POLR3D: variants seen among roughly 807,000 people sequenced by gnomAD.
POLR3D encodes the protein DNA-directed RNA polymerase III subunit RPC4.
POLR3D carries 42 observed loss-of-function variants against 44.5 expected under a neutral mutation model. The ratio of observed to expected loss-of-function variants is 0.94; its 90% CI spans 0.74 to 1.22. The LOEUF (loss-of-function observed/expected upper bound fraction) is 1.22. Among genes scored for constraint, POLR3D ranks in the 50% most tolerant of loss-of-function variants. The pLI, the probability that POLR3D is intolerant of heterozygous loss-of-function variation, is 0.00. For synonymous variants in POLR3D, 217 were observed against 198.1 expected (o/e 1.10, Z -0.80); for missense variants, 507 against 505.2 (o/e 1.00, Z -0.03).
At position 22,249,494 on chromosome 8, in the gene POLR3D, G is replaced by T. The variant is rs115617674; in HGVS notation, c.921+185G>T. On this transcript the variant is annotated intron_variant, in intron 7 of 8. Transcript: ENST00000306433. ...CCCCAATTGTGTATGTGTTGTGGGG[G>T]TGTGTGTTCACTTCTTATAAGGAAA... 8.6e-3 allele frequency among the ~76,000 whole-genome samples: 1,305 copies of T among 152,306 alleles called. 17 individuals carry two copies. Among genetic ancestry groups the T allele is most frequent in the African/African-American group, 0.03 (1,244 of 41,562 alleles).
At chr8:22,250,292 G>A in intron 8 of POLR3D, 65 bp downstream of exon 8, 1 of 1,609,980 alleles carries the variant, frequency 6.2e-7, no homozygotes, top group South Asian at 1.1e-5. Flanking sequence ...AAGAGCCACT[G>A]CTAAATAAGG....
rs1563321886 is a variant in POLR3D, at chr8:22,251,332, T to C, written c.*814T>C. On this transcript the variant is annotated 3_prime_UTR_variant, in exon 9 of 9. Transcript: ENST00000306433. ...CAGATTGTTCTATGCCTTTTTCTCCTGGCTCCTGTTAGCCAGGTGCCTCCT... is the reference window on the plus strand; with the variant it reads ...CAGATTGTTCTATGCCTTTTTCTCCCGGCTCCTGTTAGCCAGGTGCCTCCT... 2.6e-5 allele frequency: 4 copies of C among 153,746 alleles called. No homozygotes were observed. Among genetic ancestry groups the C allele is most frequent in the Admixed American group, 1.3e-4 (2 of 15,278 alleles). The allele number at this position is 153,746 out of a possible 1,614,324, so 9.5% of individuals were successfully genotyped here.
At position 22,249,205 on chromosome 8, in the gene POLR3D, G is replaced by C; in HGVS notation, c.817G>C (p.Asp273His). ...GGAACTGCTGTTTCTGCAGCTGCCA[G>C]ACACCCTCCCTGGCCAGCCACCCAC... ...EEELLFLQLPDTLPGQPPTQD... is the reference protein window; with the variant it reads ...EEELLFLQLPHTLPGQPPTQD... Residue 273 changes from aspartate to histidine, a missense_variant, in exon 7 of 9, where the codon GAC becomes CAC. Transcript: ENST00000306433. 1 of 1,614,096 alleles carries C rather than the reference G, an allele frequency of 6.2e-7. No individual in the cohort carries two copies. Among genetic ancestry groups the C allele is most frequent in the Non-Finnish European group, 8.5e-7 (1 of 1,180,022 alleles).
At position 22,250,697 on chromosome 8, in the gene POLR3D, G is replaced by A; in HGVS notation, c.*179G>A. The A allele has an allele frequency of 1.4e-6, 1 of 693,740 alleles. No individual in the cohort carries two copies. The highest frequency in any genetic ancestry group is 2.5e-6 in the Non-Finnish European group (1 of 401,662). The allele number at this position is 693,740 out of a possible 1,614,324, so 43.0% of individuals were successfully genotyped here. ...CCACAGCAGCTGTGAATGGCACAGT[G>A]ACCTTCCTGCAGCGTGGAGATGGCA... On this transcript the variant is annotated 3_prime_UTR_variant, in exon 9 of 9. Coordinates refer to ENST00000306433, the MANE Select transcript of POLR3D (RefSeq NM_001722.3).
At position 22,248,440 on chromosome 8, in the gene POLR3D, C is replaced by A. The variant is rs372769752; in HGVS notation, c.487-41C>A. On this transcript the variant is annotated intron_variant, in intron 5 of 8. Coordinates refer to ENST00000306433, the MANE Select transcript of POLR3D (RefSeq NM_001722.3). ...ACTAAAGCAGACTTTGATCCAGGTGCATGTGCTAGCAGGCTGGATGACCCA... is the reference window on the plus strand; with the variant it reads ...ACTAAAGCAGACTTTGATCCAGGTGAATGTGCTAGCAGGCTGGATGACCCA... 13 of 1,602,678 alleles carry A rather than the reference C, an allele frequency of 8.1e-6. No homozygotes were observed. In the African/African-American group the frequency reaches 1.6e-4, roughly 20 times the overall value.
rs1462169180 is a variant in POLR3D, at chr8:22,247,263, G to A, written c.208G>A (p.Glu70Lys). ...TATCATCAGTCGGAAGATCAAGGAA[G>A]AGTAAGTAGCTAGGCCTTCTGAATA... ...PNIISRKIKEEPKEEVTVKKE... is the reference protein window; with the variant it reads ...PNIISRKIKEKPKEEVTVKKE... Residue 70 changes from glutamate to lysine, a missense_variant and splice_region_variant, in exon 3 of 9, where the codon GAG becomes AAG. Glu to Lys is a moderately conservative substitution (Grantham distance 56). Transcript: ENST00000306433. The A allele has an allele frequency of 1.2e-6, 2 of 1,612,728 alleles. No individual in the cohort carries two copies. The highest frequency in any genetic ancestry group is 2.2e-5 in the East Asian group (1 of 44,886).
rs1376939175 is a variant in POLR3D, at chr8:22,251,765, G to C, written c.*1247G>C. The C allele has an allele frequency of 6.6e-6, 1 of 152,310 alleles. No homozygotes were observed. The highest frequency in any genetic ancestry group is 1.5e-5 in the Non-Finnish European group (1 of 68,096). 9.4% of individuals were successfully genotyped at this position (152,310 alleles called of 1,614,324 possible). On this transcript the variant is annotated 3_prime_UTR_variant, in exon 9 of 9. Coordinates refer to ENST00000306433, the MANE Select transcript of POLR3D (RefSeq NM_001722.3). ...AACAGCTTCTCCTCTTGTCTTGACA[G>C]TAGGGCTGGGGTTTTCCCTGGTTCA... is the stretch of plus-strand genomic sequence containing the variant.
At chr8:22,247,098 A>G (rs1420236463) in intron 2 of POLR3D, 123 bp from the exon 3 acceptor site, 2 of 684,156 alleles carry the variant, frequency 2.9e-6, no homozygotes, top group Non-Finnish European at 5.3e-6. Context: ...AGCACTGTGG[A>G]ATGTGCCAAC....
chr8:22,248,160 G>A lies in POLR3D; in HGVS notation c.368G>A (p.Trp123Ter). ...CCTGGGTGATTTCCCACAGGGAACT[G>A]GGATAAGACAGTGGATGTGTCAGAC... ...PAEMMKKKGN[W>*]DKTVDVSDMG... is the part of the protein sequence containing the mutation. Residue 123 changes from tryptophan (W) to a stop codon, truncating the protein, a stop_gained, in exon 5 of 9, where the codon TGG (tryptophan) becomes TAG (stop). Coordinates refer to ENST00000306433, the MANE Select transcript of POLR3D (RefSeq NM_001722.3). LOFTEE classifies it high-confidence loss of function. The A allele has an allele frequency of 6.2e-7, 1 of 1,614,092 alleles. No homozygotes were observed. The highest frequency in any genetic ancestry group is 8.5e-7 in the Non-Finnish European group (1 of 1,179,994).
rs115213701 is a variant in POLR3D at position 22,245,288 on chromosome 8, C to T, written c.-6+105C>T. 1,994 of 544,898 alleles carry T rather than the reference C, an allele frequency of 3.7e-3. 34 individuals carry two copies. Among genetic ancestry groups the T allele is most frequent in the African/African-American group, 0.034 (1,749 of 50,976 alleles). 33.8% of individuals were successfully genotyped at this position (544,898 alleles called of 1,614,324 possible). On this transcript the variant is annotated intron_variant, in intron 1 of 8. Transcript: ENST00000306433. ...CGTGTCGCGAGCCAAAGGCTCTCACCTGGGTGGTCCCGGGAGTCTCGCCAC... is the reference window on the plus strand; with the variant it reads ...CGTGTCGCGAGCCAAAGGCTCTCACTTGGGTGGTCCCGGGAGTCTCGCCAC...
chr8:22,248,893 C>A, intron 6 of POLR3D, 151 bp from the exon 7 acceptor site: 1 of 891,296 alleles, frequency 1.1e-6, no homozygotes, highest in African/African-American at 1.7e-5. Context: ...GAGACTTGAA[C>A]GTGTTGTCTC....
At position 22,249,719 on chromosome 8, in the gene POLR3D, G is replaced by C. The variant is rs978752068; in HGVS notation, c.922-356G>C. Among the ~76,000 whole-genome samples the C allele has an allele frequency of 2.6e-5, 4 of 152,084 alleles. No homozygotes were observed. The East Asian group carries it at 5.8e-4, about 22-fold the overall frequency. On this transcript the variant is annotated intron_variant, in intron 7 of 8. Transcript: ENST00000306433. The stretch of plus-strand genomic sequence containing the variant: ...TGCCTGTAGTCCCCGCTACTTGGGA[G>C]GCTGAGGCGGGGGAATGGCTTGAGT...
Position 22,247,241 on chromosome 8 carries a change from C to T in POLR3D, c.186C>T (p.Ile62=), listed in dbSNP as rs540765735. 1.9e-6 allele frequency: 3 copies of T among 1,613,450 alleles called. No homozygotes were observed. The highest frequency in any genetic ancestry group is 1.1e-5 in the South Asian group (1 of 91,058). The stretch of plus-strand genomic sequence containing the variant: ...TTCAGAAAACCTTCACCCCAAATAT[C>T]ATCAGTCGGAAGATCAAGGAAGAGT... The part of the protein sequence containing the change: ...GVKKKTFTPN[I]ISRKIKEEPK... Residue 62 remains isoleucine (I), a synonymous_variant, in exon 3 of 9, where the codon ATC becomes ATT. Coordinates refer to ENST00000306433, the MANE Select transcript of POLR3D (RefSeq NM_001722.3).
At position 22,245,566 on chromosome 8, in the gene POLR3D, C is replaced by G. The variant is rs1395503465; in HGVS notation, c.117C>G (p.Arg39=). The G allele has an allele frequency of 4.0e-6, 5 of 1,261,756 alleles. No homozygotes were observed. The highest frequency in any genetic ancestry group is 5.0e-6 in the Non-Finnish European group (5 of 995,280). 78.2% of individuals were successfully genotyped at this position (1,261,756 alleles called of 1,614,324 possible). A position where few individuals can be genotyped will look rare whatever the true frequency, so the allele number is the denominator to read the frequency against. ...CGGCGCCTCCCCTCACCCCCGGCCGCCTTCCCTCCATCCGTTCCAGGGACC... is the reference window on the plus strand; with the variant it reads ...CGGCGCCTCCCCTCACCCCCGGCCGGCTTCCCTCCATCCGTTCCAGGGACC... ...RRPAPPLTPG[R]LPSIRSRDLT... Residue 39 remains arginine (R), a synonymous_variant, in exon 2 of 9, where the codon CGC becomes CGG. Transcript: ENST00000306433.
chr8:22,248,368 G>T (rs1830064716), intron 5 of POLR3D, 90 bp downstream of exon 5: 1 of 1,576,104 alleles, frequency 6.3e-7, no homozygotes, highest in African/African-American at 1.4e-5. Context: ...AGAGCTTACT[G>T]ATGTCCTGGA....
At chr8:22,246,372 C>T (rs1320879525) in intron 2 of POLR3D, among the ~76,000 whole-genome samples, 1 of 151,974 alleles carries the variant, frequency 6.6e-6, no homozygotes, top group Non-Finnish European at 1.5e-5. Flanking sequence ...GTGATCCGCC[C>T]GCCTGCCTCG....
intron 6 of POLR3D, 48 bp downstream of exon 6, chr8:22,248,697 A>T: frequency 2.6e-6 from 4 of 1,559,016 alleles, no homozygotes; most frequent in Non-Finnish European, 3.5e-6. Flanking sequence ...GCTGCTCCCC[A>T]GGAATCCCGT....
At position 22,253,257 on chromosome 8, in the gene POLR3D, C is replaced by A. The variant is rs1197721825; in HGVS notation, c.*2739C>A. 6.6e-6 allele frequency: 1 copy of A among 152,234 alleles called. No individual in the cohort carries two copies. Among genetic ancestry groups the A allele is most frequent in the Non-Finnish European group, 1.5e-5 (1 of 68,044 alleles). The allele number at this position is 152,234 out of a possible 1,614,324, so 9.4% of individuals were successfully genotyped here. A position where few individuals can be genotyped will look rare whatever the true frequency, so the allele number is the denominator to read the frequency against. On this transcript the variant is annotated 3_prime_UTR_variant, in exon 9 of 9. Coordinates refer to ENST00000306433, the MANE Select transcript of POLR3D (RefSeq NM_001722.3). ...ATCATTCTGCAAATGATGGTGTCCA[C>A]AGCCAGAGTGGACAGTAGTACAGGA... is the stretch of plus-strand genomic sequence containing the variant.
Position 22,250,203 on chromosome 8 carries a change from G to C in POLR3D, c.1050G>C (p.Met350Ile), listed in dbSNP as rs1226224781. The C allele has an allele frequency of 2.5e-6, 4 of 1,614,072 alleles. No homozygotes were observed. Among genetic ancestry groups the C allele is most frequent in the Non-Finnish European group, 3.4e-6 (4 of 1,180,034 alleles). ...LLGKVTLDVT[M>I]GTACSFLQEL... is the part of the protein sequence containing the mutation. ...GCAAGGTGACTCTGGACGTGACCAT[G>C]GGAACTGCCTGCTCCTTCCTGCAGG... is the stretch of plus-strand genomic sequence containing the variant. The change falls in exon 8 of 9, where the codon ATG (methionine) becomes ATC (isoleucine). Residue 350 changes from methionine to isoleucine, a missense_variant. Coordinates refer to ENST00000306433, the MANE Select transcript of POLR3D (RefSeq NM_001722.3).
Sources: gnomAD v4.1 joint callset for allele counts (sites outside exome capture counted in the v4.1 genomes callset) on GRCh38, gnomAD v4.1.1 for gene constraint, MANE v1.5 for transcripts, NCBI Gene and HGNC (gene_info 2026-07-23, HGNC 2026-07-21) for gene names.